NCBP3: variants seen among roughly 807,000 people sequenced by gnomAD.
NCBP3 encodes nuclear cap binding subunit 3.
A neutral mutation model predicts 75.7 loss-of-function variants in NCBP3; 20 were observed. The ratio of observed to expected loss-of-function variants is 0.26; its 90% CI spans 0.19 to 0.38. The LOEUF is 0.38. Among genes scored for constraint, NCBP3 ranks in the 10% least tolerant of loss-of-function variants. The pLI, the probability that NCBP3 is intolerant of heterozygous loss-of-function variation, is 1.00. For synonymous variants in NCBP3, 293 were observed against 290.5 expected, an observed-to-expected ratio of 1.01 and a Z score of -0.09; for missense variants, 678 against 796.9, an observed-to-expected ratio of 0.85 and a Z score of 1.80.
intron 2 of NCBP3, among the ~76,000 whole-genome samples, chr17:3,842,849 T>G (rs2054090207): frequency 6.6e-6 from 1 of 152,154 alleles, no homozygotes; most frequent in East Asian, 1.9e-4. Context: ...CTCACTATGT[T>G]GCCCAGGCTG....
Position 3,825,749 on chromosome 17 carries a change from C to T in NCBP3, c.687+18G>A. Reference sequence around the variant, plus strand: ...TTTTTTACAATAACTTTACATCTATCTTTCCCCTATTACTAACCTCTACAT... The same window carrying T: ...TTTTTTACAATAACTTTACATCTATTTTTCCCCTATTACTAACCTCTACAT... On this transcript the variant is annotated intron_variant, in intron 6 of 12. Coordinates refer to ENST00000389005, the MANE Select transcript of NCBP3 (RefSeq NM_001114118.3). 3.3e-6 allele frequency: 5 copies of T among 1,523,278 alleles called. No individual in the cohort carries two copies. The highest frequency in any genetic ancestry group is 3.6e-6 in the Non-Finnish European group (4 of 1,123,368). The allele number at this position is 1,523,278 out of a possible 1,614,324, so 94.4% of individuals were successfully genotyped here. A position where few individuals can be genotyped will look rare whatever the true frequency, so the allele number is the denominator to read the frequency against.
At chr17:3,814,729 C>CT (rs113946666) in intron 11 of NCBP3, among the ~76,000 whole-genome samples, 6,940 of 145,734 alleles carry the variant, frequency 0.048, 219 homozygotes, top group Admixed American at 0.096. Context: ...AAGAAACAAC[C>CT]TTTTTTTTTT....
In NCBP3 at chr17:3,812,619, A is replaced by T; in HGVS notation, c.*425T>A. ...GAAGGATGTCCAATAAGCACCTGGG[A>T]ATTGACTTTTCTTGGGAAAAGGGTG... is the stretch of plus-strand genomic sequence containing the variant. On this transcript the variant is annotated 3_prime_UTR_variant, in exon 13 of 13. Transcript: ENST00000389005. The T allele has an allele frequency of 9.8e-7, 1 of 1,018,122 alleles. No individual in the cohort carries two copies. Among genetic ancestry groups the T allele is most frequent in the Non-Finnish European group, 1.2e-6 (1 of 849,654 alleles). The allele number at this position is 1,018,122 out of a possible 1,614,324, so 63.1% of individuals were successfully genotyped here.
Position 3,807,492 on chromosome 17 carries a change from C to T in NCBP3, c.*5552G>A, listed in dbSNP as rs2053348583. The T allele has an allele frequency of 6.6e-6, 1 of 152,130 alleles. No individual in the cohort carries two copies. The highest frequency in any genetic ancestry group is 1.9e-4 in the East Asian group (1 of 5,202). The allele number at this position is 152,130 out of a possible 1,614,324, so 9.4% of individuals were successfully genotyped here. ...TTTCATCTGGAATTAGACTAACCTG[C>T]AGACAGTGATGCCAGAACTGGGCTG... On this transcript the variant is annotated 3_prime_UTR_variant, in exon 13 of 13. Transcript: ENST00000389005.
chr17:3,815,310 C>T (rs2053509259), intron 11 of NCBP3, among the ~76,000 whole-genome samples: 1 of 152,206 alleles, frequency 6.6e-6, no homozygotes, highest in Non-Finnish European at 1.5e-5. Flanking sequence ...CTCTCCAAGG[C>T]CTGGCTCTAA....
chr17:3,841,647 T>C (rs1335987520), intron 2 of NCBP3, among the ~76,000 whole-genome samples: 1 of 146,346 alleles, frequency 6.8e-6, no homozygotes, highest in Non-Finnish European at 1.5e-5. Context: ...CTTTAAGTGA[T>C]TGGAAACACA....
Position 3,803,396 on chromosome 17 carries a change from T to C in NCBP3, c.*9648A>G, listed in dbSNP as rs906699308. 2.0e-5 allele frequency: 3 copies of C among 152,184 alleles called. No homozygotes were observed. Among genetic ancestry groups the C allele is most frequent in the African/African-American group, 7.2e-5 (3 of 41,444 alleles). 9.4% of individuals were successfully genotyped at this position (152,184 alleles called of 1,614,324 possible). ...GCTTTCAAAATCATTATTGGGACAG[T>C]TGGCAAATTTGAAACAGGAACTACA... is the stretch of plus-strand genomic sequence containing the variant. On this transcript the variant is annotated 3_prime_UTR_variant, in exon 13 of 13. Transcript: ENST00000389005.
At chr17:3,840,985 G>GT (rs1420562377) in intron 2 of NCBP3, among the ~76,000 whole-genome samples, 1 of 152,028 alleles carries the variant, frequency 6.6e-6, no homozygotes, top group African/African-American at 2.4e-5. Flanking sequence ...TCACTAATTG[G>GT]TTTTGTTTGT....
chr17:3,832,502 G>A lies in NCBP3; in HGVS notation c.356-3134C>T, dbSNP rs530727496. Among the ~76,000 whole-genome samples the A allele has an allele frequency of 8.0e-4, 95 of 119,298 alleles. 28 individuals are homozygous for A. The highest frequency in any genetic ancestry group is 1.8e-4 in the Non-Finnish European group (9 of 49,486). The allele number at this position is 119,298 out of a possible 152,430, so 78.3% of individuals were successfully genotyped here. ...AACAATTAGCCAGGTGTGGTGGCAG[G>A]CACCTGTAGTCCCAGCTACTCGGGA... is the stretch of plus-strand genomic sequence containing the variant. On this transcript the variant is annotated intron_variant, in intron 3 of 12. Coordinates refer to ENST00000389005, the MANE Select transcript of NCBP3 (RefSeq NM_001114118.3).
chr17:3,837,825 GGGTTCCC>G (rs1199337194), intron 3 of NCBP3, among the ~76,000 whole-genome samples: 23 of 151,852 alleles, frequency 1.5e-4, no homozygotes, highest in African/African-American at 5.6e-4. Flanking sequence ...ATGGGCAGCA[GGGTTCCC>G]CAGGGCTCAG....
At position 3,818,426 on chromosome 17, in the gene NCBP3, G is replaced by C. The variant is rs780292169; in HGVS notation, c.1147C>G (p.Pro383Ala). Reference protein sequence around the residue: ...YHEELPALKQPRERSASRRSS... With the variant: ...YHEELPALKQARERSASRRSS... ...CGTCTAGACGCGCTCCGCTCCCGGG[G>C]CTGCTTGAGAGCCGGGAGCTCCTCG... Residue 383 changes from proline (P) to alanine (A), a missense_variant, in exon 10 of 13, where the codon CCC becomes GCC. Pro to Ala is a conservative substitution (Grantham distance 27). Around this residue, in one of 7 missense-constraint regions of NCBP3, gnomAD observed 365 missense variants for 392.7 expected, o/e 0.93. Transcript: ENST00000389005. The surrounding 1 kb of genome is among the most constrained non-coding windows in gnomAD (Gnocchi z 4.7). The C allele has an allele frequency of 3.1e-6, 5 of 1,613,920 alleles. No individual in the cohort carries two copies. In the African/African-American group the frequency reaches 6.7e-5, roughly 22 times the overall value.
chr17:3,831,153 C>T lies in NCBP3; in HGVS notation c.356-1785G>A, dbSNP rs767547638. 5.9e-5 allele frequency among the ~76,000 whole-genome samples: 9 copies of T among 151,874 alleles called. No homozygotes were observed. In the East Asian group the frequency reaches 7.8e-4, roughly 13 times the overall value. Reference sequence around the variant, plus strand: ...CTCGAACTCCCGACCTCAGGTGATCCGCCTGCCTCGGCCTCCCAAAGTGCT... The same window carrying T: ...CTCGAACTCCCGACCTCAGGTGATCTGCCTGCCTCGGCCTCCCAAAGTGCT... On this transcript the variant is annotated intron_variant, in intron 3 of 12. Coordinates refer to ENST00000389005, the MANE Select transcript of NCBP3 (RefSeq NM_001114118.3).
In NCBP3 at chr17:3,810,887, G is replaced by A. The variant is rs2053399768; in HGVS notation, c.*2157C>T. ...GAAAGGCCGTGGAACAAATGGACCT[G>A]AGCTGCTGGTGTAAAACCAAAAGGA... On this transcript the variant is annotated 3_prime_UTR_variant, in exon 13 of 13. Transcript: ENST00000389005. 1 of 152,368 alleles carries A rather than the reference G, an allele frequency of 6.6e-6. No homozygotes were observed. The highest frequency in any genetic ancestry group is 1.5e-5 in the Non-Finnish European group (1 of 68,126). The allele number at this position is 152,368 out of a possible 1,614,324, so 9.4% of individuals were successfully genotyped here. A position where few individuals can be genotyped will look rare whatever the true frequency, so the allele number is the denominator to read the frequency against.
intron 7 of NCBP3, chr17:3,823,827 C>G (rs1427839716): frequency 6.6e-6 from 1 of 152,180 alleles, no homozygotes; most frequent in Admixed American, 6.5e-5. Context: ...GTCCCTAGGA[C>G]TGGGACGAGT....
chr17:3,817,426 T>C (rs2053557088), intron 10 of NCBP3, among the ~76,000 whole-genome samples: 1 of 151,820 alleles, frequency 6.6e-6, no homozygotes, highest in East Asian at 1.9e-4. Context: ...GTCAGGAGAT[T>C]GAGACCATCC....
In NCBP3 at chr17:3,818,518, T is replaced by C. The variant is rs2053597100; in HGVS notation, c.1055A>G (p.Glu352Gly). 1 of 1,611,662 alleles carries C rather than the reference T, an allele frequency of 6.2e-7. No homozygotes were observed. Among genetic ancestry groups the C allele is most frequent in the Non-Finnish European group, 8.5e-7 (1 of 1,179,740 alleles). ...PIEEEEEEEEEEEEEEEEDQD... is the reference protein window; with the variant it reads ...PIEEEEEEEEGEEEEEEEDQD... The stretch of plus-strand genomic sequence containing the variant: ...GTCTTCTTCTTCCTCTTCCTCTTCC[T>C]CCTCCTCCTCCTCTTCCTCCTCTTC... The change falls in exon 10 of 13, where the codon GAG becomes GGG. Residue 352 changes from glutamate (E) to glycine (G), a missense_variant. Coordinates refer to ENST00000389005, the MANE Select transcript of NCBP3 (RefSeq NM_001114118.3). The surrounding 1 kb of genome is among the most constrained non-coding windows in gnomAD (Gnocchi z 4.7).
intron 2 of NCBP3, among the ~76,000 whole-genome samples, chr17:3,840,857 C>A (rs1182984235): frequency 6.6e-6 from 1 of 152,238 alleles, no homozygotes; most frequent in East Asian, 1.9e-4. Context: ...GTTTTCATCT[C>A]TAAGTGATAA....
chr17:3,809,300 A>C lies in NCBP3; in HGVS notation c.*3744T>G, dbSNP rs1299094533. The C allele has an allele frequency of 6.6e-6, 1 of 152,170 alleles. No homozygotes were observed. Among genetic ancestry groups the C allele is most frequent in the Non-Finnish European group, 1.5e-5 (1 of 68,026 alleles). The allele number at this position is 152,170 out of a possible 1,614,324, so 9.4% of individuals were successfully genotyped here. A position where few individuals can be genotyped will look rare whatever the true frequency, so the allele number is the denominator to read the frequency against. On this transcript the variant is annotated 3_prime_UTR_variant, in exon 13 of 13. Transcript: ENST00000389005. ...ACCTGGTGGTTCCTGAAAAGGTTAAAGATAATTATGACTCAGCAATTCCAC... is the reference window on the plus strand; with the variant it reads ...ACCTGGTGGTTCCTGAAAAGGTTAACGATAATTATGACTCAGCAATTCCAC...
chr17:3,838,406 C>A (rs1412141247), intron 3 of NCBP3, among the ~76,000 whole-genome samples: 1 of 152,240 alleles, frequency 6.6e-6, no homozygotes, highest in East Asian at 1.9e-4. Context: ...CCCGGCTGTG[C>A]AGGCACATGA....
Sources: allele counts gnomAD v4.1 joint callset (sites outside exome capture counted in the v4.1 genomes callset), GRCh38; gene constraint gnomAD v4.1.1; regional missense constraint gnomAD v4.1.1; non-coding constraint Gnocchi (gnomAD v3.1); transcripts MANE v1.5; gene names NCBI Gene and HGNC (gene_info 2026-07-23, HGNC 2026-07-21).